Variants in IL36A observed in about 807,000 individuals in gnomAD.
IL36A encodes interleukin 36 alpha, also known as interleukin-36 alpha.
In IL36A, 13 loss-of-function variants were observed where a neutral mutation model predicts 12.7. The observed-to-expected ratio is 1.02, with a 90% CI of 0.67 to 1.63. The LOEUF is 1.63. IL36A is among the 40% of genes most tolerant of loss of function. The pLI is 0.00. For synonymous variants in IL36A, 73 were observed against 71.9 expected (o/e 1.01, Z -0.08); for missense variants, 195 against 192.9 (o/e 1.01, Z -0.07).
Position 113,005,651 on chromosome 2 carries a change from C to G in IL36A, c.-221C>G. ...TAGGCCTGGGCAGGATTCATAGGTG[C>G]AGCTGCTTCTGCTGGAGGTAGACTG... On this transcript the variant is annotated 5_prime_UTR_variant, in exon 1 of 4. Transcript: ENST00000259211. The G allele has an allele frequency of 1.6e-6, 1 of 615,096 alleles. No homozygotes were observed. Among genetic ancestry groups the G allele is most frequent in the Non-Finnish European group, 2.9e-6 (1 of 341,640 alleles). 38.1% of individuals were successfully genotyped at this position (615,096 alleles called of 1,614,324 possible). A position where few individuals can be genotyped will look rare whatever the true frequency, so the allele number is the denominator to read the frequency against.
Position 113,005,595 on chromosome 2 carries a change from G to A in IL36A, c.-277G>A, listed in dbSNP as rs1684597493. The A allele has an allele frequency of 5.4e-6, 3 of 554,794 alleles. No individual in the cohort carries two copies. The highest frequency in any genetic ancestry group is 3.0e-5 in the East Asian group (1 of 33,212). 34.4% of individuals were successfully genotyped at this position (554,794 alleles called of 1,614,324 possible). The stretch of plus-strand genomic sequence containing the variant: ...TTTTGCTTCCAGGTCTTTGGCCTTG[G>A]CACTCTTTGTCATATTAGAGTTCCT... On this transcript the variant is annotated 5_prime_UTR_variant, in exon 1 of 4. Coordinates refer to ENST00000259211, the MANE Select transcript of IL36A (RefSeq NM_014440.3).
rs1291246140 is a variant in IL36A, at chr2:113,006,051, C to T, written c.88C>T (p.Leu30Phe). 3.7e-6 allele frequency: 6 copies of T among 1,613,790 alleles called. No individual in the cohort carries two copies. In the African/African-American group the frequency reaches 4.0e-5, roughly 11 times the overall value. Residue 30 changes from leucine to phenylalanine, a missense_variant, in exon 2 of 4, where the codon CTC becomes TTC. Coordinates refer to ENST00000259211, the MANE Select transcript of IL36A (RefSeq NM_014440.3). ...GGTGTGGGTTCTTCAGGACCAGACG[C>T]TCATAGCAGTCCCGAGGAAGGACCG... ...HRVWVLQDQT[L>F]IAVPRKDRMS... is the part of the protein sequence containing the mutation.
chr2:113,006,795 T>C (rs1684632705), intron 3 of IL36A, 58 bp downstream of exon 3: 1 of 1,580,524 alleles, frequency 6.3e-7, no homozygotes, highest in South Asian at 1.1e-5. Flanking sequence ...TTTCAGGATC[T>C]TTTAAAAGAC....
rs367814600 is a variant in IL36A at position 113,006,726 on chromosome 2, C to T, written c.253C>T (p.Leu85=). 7 of 1,613,916 alleles carry T rather than the reference C, an allele frequency of 4.3e-6. No homozygotes were observed. The African/African-American group carries it at 9.3e-5, about 22-fold the overall frequency. ...TGCTAAAGTCGGGGACCAGCCCACACTGCAGCTGAAGGTGAGTGTGGAAGA... is the reference window on the plus strand; with the variant it reads ...TGCTAAAGTCGGGGACCAGCCCACATTGCAGCTGAAGGTGAGTGTGGAAGA... The part of the protein sequence containing the change: ...MCAKVGDQPT[L]QLKEKDIMDL... Residue 85 remains leucine, a synonymous_variant, in exon 3 of 4, where the codon CTG becomes TTG. Coordinates refer to ENST00000259211, the MANE Select transcript of IL36A (RefSeq NM_014440.3).
intron 3 of IL36A, among the ~76,000 whole-genome samples, 186 bp downstream of exon 3, chr2:113,006,923 T>C (rs1684635352): frequency 6.6e-6 from 1 of 152,226 alleles, no homozygotes; most frequent in Non-Finnish European, 1.5e-5. Flanking sequence ...AAATGACTTA[T>C]TATTTTAATT....
At chr2:113,007,405 C>T (rs1483426763) in intron 3 of IL36A, among the ~76,000 whole-genome samples, 1 of 152,192 alleles carries the variant, frequency 6.6e-6, no homozygotes, top group Non-Finnish European at 1.5e-5. Flanking sequence ...TTATACAGGA[C>T]AGACCCTGAA....
At chr2:113,010,372 G>T (rs1287199237), downstream of IL36A, among the ~76,000 whole-genome samples, 2 of 152,198 alleles carry the variant, frequency 1.3e-5, no homozygotes, top group Non-Finnish European at 2.9e-5. Flanking sequence ...CAAAAAAGTA[G>T]AACTGTTTCT....
intron 3 of IL36A, 44 bp from the exon 4 acceptor site, chr2:113,007,788 C>G: frequency 6.8e-7 from 1 of 1,470,948 alleles, no homozygotes; most frequent in Non-Finnish European, 9.5e-7. Context: ...GTGAAACATT[C>G]AAACAGTTAT....
At chr2:113,008,357 CTTTTT>C (rs780723737), downstream of IL36A, among the ~76,000 whole-genome samples, 1 of 123,374 alleles carries the variant, frequency 8.1e-6, no homozygotes, top group Non-Finnish European at 1.7e-5. Flanking sequence ...GGTGGTGACT[CTTTTT>C]TTTTTTTTTT....
Position 113,006,622 on chromosome 2 carries a change from G to A in IL36A, c.149G>A (p.Arg50Gln), listed in dbSNP as rs762156855. 7.4e-6 allele frequency: 12 copies of A among 1,614,008 alleles called. No individual in the cohort carries two copies. Among genetic ancestry groups the A allele is most frequent in the Middle Eastern group, 1.7e-4 (1 of 6,038 alleles). ...SPVTIALISC[R>Q]HVETLEKDRG... ...GTCACTATTGCCTTAATCTCATGCC[G>A]ACATGTGGAGACCCTTGAGAAAGAC... The change falls in exon 3 of 4, where the codon CGA becomes CAA. Residue 50 changes from arginine to glutamine, a missense_variant. Coordinates refer to ENST00000259211, the MANE Select transcript of IL36A (RefSeq NM_014440.3).
At chr2:113,009,265 A>T (rs950186137), downstream of IL36A, among the ~76,000 whole-genome samples, 2 of 150,370 alleles carry the variant, frequency 1.3e-5, no homozygotes, top group Admixed American at 6.6e-5. Flanking sequence ...TTTCTCAGGG[A>T]TCTAGAACTA....
At chr2:113,009,991 CTT>C (rs1291064467), downstream of IL36A, among the ~76,000 whole-genome samples, 13 of 152,186 alleles carry the variant, frequency 8.5e-5, no homozygotes, top group Non-Finnish European at 1.6e-4. Context: ...TTAATCCTCT[CTT>C]ATTTTGAAGA....
At chr2:113,006,960 G>C (rs1017251239) in intron 3 of IL36A, among the ~76,000 whole-genome samples, 108 of 152,232 alleles carry the variant, frequency 7.1e-4, no homozygotes, top group African/African-American at 2.5e-3. Flanking sequence ...ATTTGGCAAG[G>C]ATGATGTCTA....
chr2:113,005,661 T>A lies in IL36A; in HGVS notation c.-211T>A, dbSNP rs1684598732. 1 of 622,320 alleles carries A rather than the reference T, an allele frequency of 1.6e-6. No homozygotes were observed. 38.5% of individuals were successfully genotyped at this position (622,320 alleles called of 1,614,324 possible). ...CAGGATTCATAGGTGCAGCTGCTTC[T>A]GCTGGAGGTAGACTGCATCCAACAA... On this transcript the variant is annotated 5_prime_UTR_variant, in exon 1 of 4. Transcript: ENST00000259211.
chr2:113,007,764 A>G, intron 3 of IL36A, 68 bp from the exon 4 acceptor site: 3 of 1,257,472 alleles, frequency 2.4e-6, no homozygotes, highest in South Asian at 1.2e-5. Flanking sequence ...GTGGAATATC[A>G]GTGTGTAAAG....
downstream of IL36A, among the ~76,000 whole-genome samples, chr2:113,009,899 C>T (rs1358673392): frequency 6.6e-6 from 1 of 152,204 alleles, no homozygotes; most frequent in Non-Finnish European, 1.5e-5. Context: ...ATCTAGAGAA[C>T]ACTTATTTTG....
At chr2:113,008,355 CT>C (rs1207328509), downstream of IL36A, among the ~76,000 whole-genome samples, 11 of 144,532 alleles carry the variant, frequency 7.6e-5, no homozygotes, top group South Asian at 2.1e-4. Flanking sequence ...AGGGTGGTGA[CT>C]CTTTTTTTTT....
In IL36A at chr2:113,005,753, A is replaced by G. The variant is rs1684600440; in HGVS notation, c.-119A>G. On this transcript the variant is annotated 5_prime_UTR_variant, in exon 1 of 4. Transcript: ENST00000259211. ...TGGGGTCACTGCTGGGCTGGCCGCCAGTCTTTCATCTGACCCAGGGTTAAA... is the reference window on the plus strand; with the variant it reads ...TGGGGTCACTGCTGGGCTGGCCGCCGGTCTTTCATCTGACCCAGGGTTAAA... The G allele has an allele frequency of 2.7e-6, 3 of 1,110,816 alleles. No individual in the cohort carries two copies. The highest frequency in any genetic ancestry group is 3.4e-5 in the Admixed American group (2 of 58,782). The allele number at this position is 1,110,816 out of a possible 1,614,324, so 68.8% of individuals were successfully genotyped here. A position where few individuals can be genotyped will look rare whatever the true frequency, so the allele number is the denominator to read the frequency against.
downstream of IL36A, among the ~76,000 whole-genome samples, chr2:113,010,647 T>G (rs1304777845): frequency 2.0e-5 from 3 of 152,338 alleles, no homozygotes; most frequent in South Asian, 6.2e-4. Flanking sequence ...TTATTCTCCT[T>G]TATTTTCTTA....
Sources: allele counts gnomAD v4.1 joint callset (sites outside exome capture counted in the v4.1 genomes callset), GRCh38; gene constraint gnomAD v4.1.1; transcripts MANE v1.5; gene names NCBI Gene and HGNC (gene_info 2026-07-23, HGNC 2026-07-21).